Variants in CTNNAL1 observed in about 807,000 individuals in gnomAD.
CTNNAL1 encodes the protein alpha-catulin.
In CTNNAL1, 69 loss-of-function variants were observed where a neutral mutation model predicts 93.6. The ratio of observed to expected loss-of-function variants is 0.74; its 90% CI spans 0.61 to 0.90. The LOEUF is 0.90. Ranked by LOEUF, CTNNAL1 falls within the 40% of genes least tolerant of loss-of-function variation. The pLI is 0.00. For synonymous variants in CTNNAL1, 286 were observed against 305.4 expected (o/e 0.94, Z 0.66); for missense variants, 836 against 862.0 (o/e 0.97, Z 0.38).
intron 11 of CTNNAL1, among the ~76,000 whole-genome samples, chr9:108,963,085 G>T (rs187757084): frequency 6.6e-6 from 1 of 152,128 alleles, no homozygotes; most frequent in East Asian, 1.9e-4. Context: ...TATATTTATA[G>T]AAAGAAAACC....
chr9:108,992,908 G>A, intron 2 of CTNNAL1, 89 bp from the exon 3 acceptor site: 2 of 1,372,312 alleles, frequency 1.5e-6, no homozygotes, highest in Admixed American at 2.9e-5. Flanking sequence ...GGCACAATGA[G>A]GAGAAACTCA....
chr9:109,004,159 G>A (rs183384624), intron 1 of CTNNAL1, among the ~76,000 whole-genome samples: 1 of 152,240 alleles, frequency 6.6e-6, no homozygotes, highest in Admixed American at 6.5e-5. Context: ...CACATCATGA[G>A]CCTAAGGAAA....
Position 108,999,064 on chromosome 9 carries a change from T to G in CTNNAL1, c.331+3A>C. ...ATAGTCTTCAAAATCAATATCCACC[T>G]ACCTGCTTGTTTAGCTTCAATACAA... On this transcript the variant is annotated splice_donor_region_variant and intron_variant, in intron 2 of 18. Coordinates refer to ENST00000325551, the MANE Select transcript of CTNNAL1 (RefSeq NM_003798.4). 6.2e-7 allele frequency: 1 copy of G among 1,601,552 alleles called. No homozygotes were observed. The highest frequency in any genetic ancestry group is 8.5e-7 in the Non-Finnish European group (1 of 1,174,974).
chr9:108,976,101 TA>T (rs1205655138), intron 8 of CTNNAL1, among the ~76,000 whole-genome samples: 1 of 152,242 alleles, frequency 6.6e-6, no homozygotes, highest in Non-Finnish European at 1.5e-5. Flanking sequence ...TCACAACAAC[TA>T]ATTTTGAACA....
intron 9 of CTNNAL1, among the ~76,000 whole-genome samples, chr9:108,970,819 A>G (rs551423464): frequency 4.2e-4 from 62 of 148,568 alleles, no homozygotes; most frequent in Admixed American, 6.8e-4. Flanking sequence ...GAAATTTGGG[A>G]AAAAAAAAAG....
At chr9:108,996,010 G>T (rs1832003516) in intron 2 of CTNNAL1, among the ~76,000 whole-genome samples, 1 of 151,358 alleles carries the variant, frequency 6.6e-6, no homozygotes. Flanking sequence ...CTCCCAGGCT[G>T]GAGTGCAGTG....
intron 12 of CTNNAL1, among the ~76,000 whole-genome samples, chr9:108,952,731 C>T (rs925513217): frequency 6.6e-6 from 1 of 152,178 alleles, no homozygotes; most frequent in African/African-American, 2.4e-5. Context: ...CTTCCCTGCT[C>T]TGTGGCCTCT....
intron 2 of CTNNAL1, among the ~76,000 whole-genome samples, chr9:108,994,908 C>A (rs1831957358): frequency 6.6e-6 from 1 of 152,168 alleles, no homozygotes; most frequent in Non-Finnish European, 1.5e-5. Context: ...AGGCCTCCAG[C>A]CAACAGCCAG....
intron 6 of CTNNAL1, among the ~76,000 whole-genome samples, chr9:108,982,218 G>A (rs576800998): frequency 3.9e-5 from 6 of 152,112 alleles, no homozygotes; most frequent in Non-Finnish European, 7.4e-5. Context: ...CTGGTACTTA[G>A]TAGCCAGCAA....
chr9:108,996,637 G>C (rs1045538772), intron 2 of CTNNAL1, among the ~76,000 whole-genome samples: 17 of 152,162 alleles, frequency 1.1e-4, no homozygotes, highest in Non-Finnish European at 4.4e-5. Flanking sequence ...AGGAGCACAG[G>C]ACTCAGGTTG....
At chr9:108,947,212 C>T (rs886689332) in intron 15 of CTNNAL1, among the ~76,000 whole-genome samples, 1 of 150,084 alleles carries the variant, frequency 6.7e-6, no homozygotes, top group African/African-American at 2.5e-5. Flanking sequence ...CTCCCGGGTT[C>T]ACGCCACTCT....
rs1196543463 is a variant in CTNNAL1 at position 108,990,735 on chromosome 9, A to G, written c.630T>C (p.Asp210=). 1 of 1,611,946 alleles carries G rather than the reference A, an allele frequency of 6.2e-7. No homozygotes were observed. The part of the protein sequence containing the change: ...EMVEFAHLSG[D]RQNDLKDEKK... Reference sequence around the variant, plus strand: ...TGTGATGAATACATACATTTTGTCTATCTCCACTCAGATGTGCAAACTCCA... The same window carrying G: ...TGTGATGAATACATACATTTTGTCTGTCTCCACTCAGATGTGCAAACTCCA... Residue 210 remains aspartate, a synonymous_variant, in exon 4 of 19, where the codon GAT becomes GAC. Transcript: ENST00000325551.
chr9:108,945,619 G>A (rs112526893), intron 15 of CTNNAL1, among the ~76,000 whole-genome samples: 7,686 of 129,308 alleles, frequency 0.059, 300 homozygotes, highest in Admixed American at 0.15. Flanking sequence ...GTGCCACCAT[G>A]CCCCGCTAGT....
At chr9:109,010,232 C>T (rs945978728) in intron 1 of CTNNAL1, among the ~76,000 whole-genome samples, 1 of 152,112 alleles carries the variant, frequency 6.6e-6, no homozygotes, top group Non-Finnish European at 1.5e-5. Flanking sequence ...TAGAAAAATG[C>T]AATTGATTTT....
intron 14 of CTNNAL1, among the ~76,000 whole-genome samples, chr9:108,949,251 G>A (rs28361170): frequency 0.032 from 4,934 of 152,108 alleles, 126 homozygotes; most frequent in Admixed American, 0.076. Context: ...TATATTCTAG[G>A]AAGAAGTCCT....
intron 1 of CTNNAL1, among the ~76,000 whole-genome samples, chr9:109,012,251 G>T (rs1827226720): frequency 6.6e-6 from 1 of 152,236 alleles, no homozygotes; most frequent in African/African-American, 2.4e-5. Context: ...AGAATTCTAT[G>T]CAACAGCTAC....
chr9:108,979,306 T>C lies in CTNNAL1; in HGVS notation c.1076A>G (p.Gln359Arg). 6.2e-7 allele frequency: 1 copy of C among 1,614,176 alleles called. No individual in the cohort carries two copies. The highest frequency in any genetic ancestry group is 8.5e-7 in the Non-Finnish European group (1 of 1,180,010). Residue 359 changes from glutamine (Q) to arginine (R), a missense_variant, in exon 7 of 19, where the codon CAG becomes CGG. Transcript: ENST00000325551. ...AGCTTGAATCCACACAGAAATTAAC[T>C]GCTGCAGTTCCATTCTCGCCTGAGT... is the stretch of plus-strand genomic sequence containing the variant. Reference protein sequence around the residue: ...LSTQARMELQQLISVWIQAQS... With the variant: ...LSTQARMELQRLISVWIQAQS...
intron 11 of CTNNAL1, among the ~76,000 whole-genome samples, chr9:108,959,053 C>T (rs1362422936): frequency 3.3e-5 from 5 of 151,456 alleles, no homozygotes; most frequent in Admixed American, 3.3e-4. Flanking sequence ...TACTTGAGGC[C>T]AGGAGTTGAA....
At chr9:108,974,466 T>C (rs1227113074) in intron 8 of CTNNAL1, among the ~76,000 whole-genome samples, 1 of 152,158 alleles carries the variant, frequency 6.6e-6, no homozygotes, top group Non-Finnish European at 1.5e-5. Context: ...AAATGGAGAT[T>C]TCAATAGACA....
Sources: allele counts gnomAD v4.1 joint callset (sites outside exome capture counted in the v4.1 genomes callset), GRCh38; gene constraint gnomAD v4.1.1; transcripts MANE v1.5; gene names NCBI Gene and HGNC (gene_info 2026-07-23, HGNC 2026-07-21).